The following RAD51B variants were observed in gnomAD, a reference collection of about 807,000 sequenced individuals.
RAD51B encodes the protein DNA repair protein RAD51 homolog 2.
Under a neutral mutation model 42.2 loss-of-function variants are expected in RAD51B, and 38 were observed. The ratio of observed to expected loss-of-function variants is 0.90; its 90% confidence interval spans 0.70 to 1.18. The LOEUF is 1.18. RAD51B is among the 50% of genes most tolerant of loss of function. The probability of loss-of-function intolerance (pLI) is 0.00; values close to 1 mark genes in which losing one functional copy is unlikely to be tolerated. For synonymous variants in RAD51B, 154 were observed against 145.2 expected, an observed-to-expected ratio of 1.06 and a Z score of -0.43; for missense variants, 373 against 400.7, an observed-to-expected ratio of 0.93 and a Z score of 0.59.
intron 7 of RAD51B, among the ~76,000 whole-genome samples, chr14:68,257,965 AC>A (rs1269706121): frequency 9.2e-5 from 14 of 152,190 alleles, no homozygotes; most frequent in Admixed American, 8.5e-4. Context: ...CATTTTTTGA[AC>A]GCTTACTAAG....
At chr14:68,193,853 G>A (rs1192506332) in intron 7 of RAD51B, among the ~76,000 whole-genome samples, 11 of 152,052 alleles carry the variant, frequency 7.2e-5, no homozygotes, top group East Asian at 1.9e-4. Flanking sequence ...ACCTTTCAAC[G>A]CTTTTTTTTC....
chr14:67,948,652 C>G (rs560879651), intron 7 of RAD51B, among the ~76,000 whole-genome samples: 1 of 151,998 alleles, frequency 6.6e-6, no homozygotes, highest in Admixed American at 6.6e-5. Context: ...AATATATAGG[C>G]CGGGCACGGT....
intron 7 of RAD51B, among the ~76,000 whole-genome samples, chr14:68,093,131 T>A (rs1209386289): frequency 6.6e-6 from 1 of 150,654 alleles, no homozygotes; most frequent in Non-Finnish European, 1.5e-5. Context: ...TTTGCATCAA[T>A]GTTCATCAAG....
chr14:68,430,294 G>A (rs572871027), intron 9 of RAD51B, among the ~76,000 whole-genome samples: 1 of 152,288 alleles, frequency 6.6e-6, no homozygotes, highest in Non-Finnish European at 1.5e-5. Context: ...GAAAGTCATC[G>A]GTAGCTTTAT....
At chr14:68,400,605 C>G (rs1389852614) in intron 8 of RAD51B, among the ~76,000 whole-genome samples, 4 of 152,180 alleles carry the variant, frequency 2.6e-5, no homozygotes, top group African/African-American at 9.7e-5. Flanking sequence ...AAGCTCATAC[C>G]AGGACAGCTG....
At chr14:68,416,264 G>A (rs771707747) in intron 9 of RAD51B, among the ~76,000 whole-genome samples, 1 of 151,942 alleles carries the variant, frequency 6.6e-6, no homozygotes, top group Non-Finnish European at 1.5e-5. Flanking sequence ...TTATATTTTC[G>A]AAGACTCAAA....
intron 8 of RAD51B, among the ~76,000 whole-genome samples, chr14:68,344,064 A>G (rs1284682975): frequency 6.6e-6 from 1 of 152,228 alleles, no homozygotes; most frequent in Non-Finnish European, 1.5e-5. Flanking sequence ...CCTCTACTAG[A>G]GCAGTGTGGA....
chr14:67,981,379 A>T (rs759331951), intron 7 of RAD51B, among the ~76,000 whole-genome samples: 2 of 152,252 alleles, frequency 1.3e-5, no homozygotes, highest in Non-Finnish European at 2.9e-5. Context: ...AAAATGGTAT[A>T]ACCACTTTAA....
chr14:68,335,307 AAAAAAAG>A (rs1266581458), intron 8 of RAD51B, among the ~76,000 whole-genome samples: 5 of 142,784 alleles, frequency 3.5e-5, no homozygotes, highest in African/African-American at 5.1e-5. Flanking sequence ...AAAAAAAAAA[AAAAAAAG>A]AAAAGAAAAA....
chr14:68,068,630 C>T (rs967596073), intron 7 of RAD51B, among the ~76,000 whole-genome samples: 3 of 152,098 alleles, frequency 2.0e-5, no homozygotes, highest in African/African-American at 7.2e-5. Flanking sequence ...GGGTGTATAG[C>T]TGGGTGTTTA....
At chr14:68,465,992 A>AAATT (rs1555414348) in intron 9 of RAD51B, among the ~76,000 whole-genome samples, 131 of 149,624 alleles carry the variant, frequency 8.8e-4, no homozygotes, top group African/African-American at 2.9e-3. Context: ...ATAAATAAAT[A>AAATT]AATTCACATT....
intron 10 of RAD51B, among the ~76,000 whole-genome samples, chr14:68,500,135 T>C (rs1884818114): frequency 6.6e-6 from 1 of 152,174 alleles, no homozygotes; most frequent in African/African-American, 2.4e-5. Context: ...TCGGAGCTCA[T>C]GGTTCACCTG....
intron 7 of RAD51B, among the ~76,000 whole-genome samples, chr14:68,149,424 A>C (rs1282315697): frequency 6.6e-6 from 1 of 152,246 alleles, no homozygotes; most frequent in Non-Finnish European, 1.5e-5. Flanking sequence ...TATTTGGTCC[A>C]GCATCGTTTG....
At chr14:68,524,214 G>A (rs192078297) in intron 10 of RAD51B, among the ~76,000 whole-genome samples, 1 of 152,106 alleles carries the variant, frequency 6.6e-6, no homozygotes, top group Admixed American at 6.5e-5. Flanking sequence ...GCTCCTGACC[G>A]ACCGACAGAG....
At chr14:68,566,261 G>A (rs926300783) in intron 10 of RAD51B, among the ~76,000 whole-genome samples, 1 of 152,168 alleles carries the variant, frequency 6.6e-6, no homozygotes, top group African/African-American at 2.4e-5. Flanking sequence ...ACTGCTGACT[G>A]GTTTCCCAGG....
At chr14:68,295,659 T>A (rs2081600355) in intron 8 of RAD51B, among the ~76,000 whole-genome samples, 1 of 152,112 alleles carries the variant, frequency 6.6e-6, no homozygotes, top group Non-Finnish European at 1.5e-5. Context: ...TTGGGCCAGG[T>A]CACTTGTATT....
At chr14:68,221,225 G>A (rs946314271) in intron 7 of RAD51B, among the ~76,000 whole-genome samples, 2 of 151,986 alleles carry the variant, frequency 1.3e-5, no homozygotes, top group African/African-American at 4.8e-5. Flanking sequence ...CCAAAAAAGA[G>A]CCTGTGAGTC....
intron 7 of RAD51B, among the ~76,000 whole-genome samples, chr14:68,195,048 G>T (rs908291475): frequency 6.6e-6 from 1 of 152,138 alleles, no homozygotes; most frequent in Non-Finnish European, 1.5e-5. Flanking sequence ...AGGACCTGGG[G>T]ATATGAAGTT....
chr14:68,118,157 A>T (rs2077582217), intron 7 of RAD51B, among the ~76,000 whole-genome samples: 1 of 152,228 alleles, frequency 6.6e-6, no homozygotes, highest in Non-Finnish European at 1.5e-5. Context: ...ATCAGAAAAC[A>T]GTAGACAAAA....
Sources: allele counts gnomAD v4.1 joint callset (sites outside exome capture counted in the v4.1 genomes callset), GRCh38; gene constraint gnomAD v4.1.1; transcripts MANE v1.5; gene names NCBI Gene and HGNC (gene_info 2026-07-23, HGNC 2026-07-21).